The following DLG5 variants were observed in gnomAD, a reference collection of about 807,000 sequenced individuals.
DLG5 encodes disks large homolog 5.
In DLG5, 48 loss-of-function variants were observed where a neutral mutation model predicts 189.8. The ratio of observed to expected loss-of-function variants is 0.25; its 90% confidence interval spans 0.20 to 0.32. The LOEUF (loss-of-function observed/expected upper bound fraction) is 0.32. DLG5 is among the 10% of genes least tolerant of loss of function. The probability of loss-of-function intolerance (pLI) is 1.00; values close to 1 mark genes in which losing one functional copy is unlikely to be tolerated. For synonymous variants in DLG5, 1,016 were observed against 1,054.1 expected (o/e 0.96, Z 0.70); for missense variants, 2,160 against 2,544.7 (o/e 0.85, Z 3.25).
At chr10:77,817,698 C>G in intron 18 of DLG5, 79 bp downstream of exon 18, 1 of 1,301,362 alleles carries the variant, frequency 7.7e-7, no homozygotes, top group Non-Finnish European at 1.1e-6. Context: ...AGCCCACCCG[C>G]AGATCTGGAC....
rs767197360 is a variant in DLG5, at chr10:77,812,370, C to G, written c.4033G>C (p.Val1345Leu). The change falls in exon 21 of 32, where the codon GTG (valine) becomes CTG (leucine). Residue 1345 changes from valine (V) to leucine (L), a missense_variant. Coordinates refer to ENST00000372391, the MANE Select transcript of DLG5 (RefSeq NM_004747.4). ...LGERRKDRPY[V>L]EEPRHVKVQK... ...ACCTTCACGTGGCGTGGCTCCTCCA[C>G]ATAAGGCCTAAGGAAAAGTCAAAAG... 1 of 1,610,578 alleles carries G rather than the reference C, an allele frequency of 6.2e-7. No individual in the cohort carries two copies. Among genetic ancestry groups the G allele is most frequent in the Admixed American group, 1.7e-5 (1 of 59,964 alleles).
rs201196944 is a variant in DLG5 at position 77,873,031 on chromosome 10, G to GTGCGCACA, written c.305-3835_305-3834insTGTGCGCA. Among the ~76,000 whole-genome samples the GTGCGCACA allele has an allele frequency of 6.9e-3, 312 of 45,518 alleles. 1 individual carries two copies. Among genetic ancestry groups the GTGCGCACA allele is most frequent in the African/African-American group, 0.016 (300 of 19,330 alleles). 29.9% of individuals were successfully genotyped at this position (45,518 alleles called of 152,430 possible). ...CCTCCTGATGTGTGTGTGTGTGTGT[G>GTGCGCACA]CACACACACACACACACACACGAGA... is the stretch of plus-strand genomic sequence containing the variant. On this transcript the variant is annotated intron_variant, in intron 1 of 31. Transcript: ENST00000372391.
At chr10:77,837,020 G>A (rs1330556282) in intron 7 of DLG5, among the ~76,000 whole-genome samples, 1 of 151,828 alleles carries the variant, frequency 6.6e-6, no homozygotes, top group African/African-American at 2.4e-5. Context: ...TTTGAGACCA[G>A]CCTGACCAAC....
chr10:77,912,314 G>A (rs1846247869), intron 1 of DLG5: 1 of 151,906 alleles, frequency 6.6e-6, no homozygotes, highest in Non-Finnish European at 1.5e-5. Flanking sequence ...GAGTGCAGTA[G>A]CTATTCACAG....
chr10:77,824,255 C>T, intron 14 of DLG5, 129 bp downstream of exon 14: 1 of 678,566 alleles, frequency 1.5e-6, no homozygotes, highest in Non-Finnish European at 2.5e-6. Context: ...GTTCCTGCCC[C>T]CTCTGCACTC....
In DLG5 at chr10:77,816,523, C is replaced by T. The variant is rs201823553; in HGVS notation, c.4025+28G>A. The stretch of plus-strand genomic sequence containing the variant: ...GATGCACACTGTCCACTGGTTTACC[C>T]ACTCCACCGATGACCGGCCATGCTC... On this transcript the variant is annotated intron_variant, in intron 20 of 31. Coordinates refer to ENST00000372391, the MANE Select transcript of DLG5 (RefSeq NM_004747.4). 55 of 1,613,876 alleles carry T rather than the reference C, an allele frequency of 3.4e-5. No homozygotes were observed. The East Asian group carries it at 1.2e-3, about 35-fold the overall frequency.
At chr10:77,800,598 T>C (rs1841155386) in intron 27 of DLG5, among the ~76,000 whole-genome samples, 1 of 152,162 alleles carries the variant, frequency 6.6e-6, no homozygotes, top group South Asian at 2.1e-4. Flanking sequence ...GAAAAGTTTC[T>C]GAAAATCTCC....
chr10:77,853,034 G>C (rs935089811), intron 5 of DLG5, among the ~76,000 whole-genome samples: 1 of 152,102 alleles, frequency 6.6e-6, no homozygotes, highest in Non-Finnish European at 1.5e-5. Flanking sequence ...CCAAGCTGGG[G>C]TGCAGTGGCA....
At chr10:77,887,124 C>G (rs1214059700) in intron 1 of DLG5, among the ~76,000 whole-genome samples, 1 of 152,234 alleles carries the variant, frequency 6.6e-6, no homozygotes, top group African/African-American at 2.4e-5. Flanking sequence ...CATACACTAT[C>G]TCACTTAAAA....
In DLG5 at chr10:77,796,241, G is replaced by A; in HGVS notation, c.5309-53C>T. 6.2e-7 allele frequency: 1 copy of A among 1,612,804 alleles called. No homozygotes were observed. Among genetic ancestry groups the A allele is most frequent in the Non-Finnish European group, 8.5e-7 (1 of 1,179,636 alleles). ...GAGCCCCAGGCCCTGCTGAGCCCCA[G>A]CAGAGGGAGCAGGGGAAGAACACTG... On this transcript the variant is annotated intron_variant, in intron 28 of 31. Coordinates refer to ENST00000372391, the MANE Select transcript of DLG5 (RefSeq NM_004747.4). This position sits in a 1 kb window ranked among gnomAD's most constrained non-coding sequence, Gnocchi z 5.2.
intron 5 of DLG5, among the ~76,000 whole-genome samples, chr10:77,852,813 T>C (rs1319856148): frequency 6.6e-6 from 1 of 152,202 alleles, no homozygotes; most frequent in Non-Finnish European, 1.5e-5. Flanking sequence ...TGCGAACTCA[T>C]GGCTTTCAAT....
At chr10:77,829,712 G>A (rs1226229633) in intron 11 of DLG5, among the ~76,000 whole-genome samples, 182 bp from the exon 12 acceptor site, 1 of 152,182 alleles carries the variant, frequency 6.6e-6, no homozygotes, top group African/African-American at 2.4e-5. Context: ...TAGACAGCCT[G>A]GGTTCAAATC....
chr10:77,923,905 C>G (rs970243656), intron 1 of DLG5, among the ~76,000 whole-genome samples: 1 of 152,160 alleles, frequency 6.6e-6, no homozygotes. Flanking sequence ...TGCTCTGTCA[C>G]CTAGGCTGGA....
rs1479451632 is a variant in DLG5 at position 77,791,823 on chromosome 10, G to C, written c.*617C>G. 1.3e-5 allele frequency: 2 copies of C among 153,206 alleles called. No homozygotes were observed. The highest frequency in any genetic ancestry group is 4.8e-5 in the African/African-American group (2 of 41,486). The allele number at this position is 153,206 out of a possible 1,614,324, so 9.5% of individuals were successfully genotyped here. On this transcript the variant is annotated 3_prime_UTR_variant, in exon 32 of 32. Transcript: ENST00000372391. ...AAAGTCACCTTCCCCATTGTGGGAG[G>C]AAAATGCCAAAGGCACTGGTTCTGC...
At chr10:77,844,910 C>T (rs942253063) in intron 5 of DLG5, among the ~76,000 whole-genome samples, 5 of 151,688 alleles carry the variant, frequency 3.3e-5, no homozygotes, top group African/African-American at 4.8e-5. Flanking sequence ...GGCCTGCAGG[C>T]GTGTTCTAGA....
intron 1 of DLG5, among the ~76,000 whole-genome samples, chr10:77,872,866 A>G (rs1425678568): frequency 6.6e-6 from 1 of 151,870 alleles, no homozygotes; most frequent in Non-Finnish European, 1.5e-5. Flanking sequence ...GGAGGAGACA[A>G]TTTCCCCAGG....
chr10:77,847,349 T>C (rs561522807), intron 5 of DLG5, among the ~76,000 whole-genome samples: 49 of 152,232 alleles, frequency 3.2e-4, no homozygotes, highest in African/African-American at 1.2e-3. Flanking sequence ...CTACTCCGCC[T>C]CCCTGCAACT....
chr10:77,854,596 G>A (rs947071856), intron 3 of DLG5, among the ~76,000 whole-genome samples: 1 of 152,162 alleles, frequency 6.6e-6, no homozygotes, highest in Non-Finnish European at 1.5e-5. Context: ...TCCCTGCATG[G>A]GCCTGGAGAG....
At chr10:77,848,895 C>T (rs1843824781) in intron 5 of DLG5, among the ~76,000 whole-genome samples, 1 of 151,952 alleles carries the variant, frequency 6.6e-6, no homozygotes, top group Non-Finnish European at 1.5e-5. Context: ...GATTTTTTTT[C>T]TATTTTAACT....
Sources: allele counts gnomAD v4.1 joint callset (sites outside exome capture counted in the v4.1 genomes callset), GRCh38; gene constraint gnomAD v4.1.1; non-coding constraint Gnocchi (gnomAD v3.1); transcripts MANE v1.5; gene names NCBI Gene and HGNC (gene_info 2026-07-23, HGNC 2026-07-21).